PCDH7: variants seen among roughly 807,000 people sequenced by gnomAD.
PCDH7 encodes the protein protocadherin 7, also known as protocadherin-7.
Under a neutral mutation model 58.9 loss-of-function variants are expected in PCDH7, and 17 were observed. The ratio of observed to expected loss-of-function variants is 0.29; its 90% CI spans 0.20 to 0.43. The LOEUF (loss-of-function observed/expected upper bound fraction) is 0.43. Ranked by LOEUF, PCDH7 falls within the 20% of genes least tolerant of loss-of-function variation. The pLI, the probability that PCDH7 is intolerant of heterozygous loss-of-function variation, is 1.00. For synonymous variants in PCDH7, 664 were observed against 616.4 expected (o/e 1.08, Z -1.14); for missense variants, 1,274 against 1,441.0 (o/e 0.88, Z 1.88).
intron 3 of PCDH7, among the ~76,000 whole-genome samples, chr4:30,975,011 T>C (rs1749937620): frequency 6.6e-6 from 1 of 152,112 alleles, no homozygotes; most frequent in African/African-American, 2.4e-5. Flanking sequence ...GTATTGTAGT[T>C]CTCTGGCTTG....
intron 1 of PCDH7, among the ~76,000 whole-genome samples, chr4:30,741,075 T>A (rs1418485906): frequency 6.6e-6 from 1 of 152,126 alleles, no homozygotes; most frequent in Non-Finnish European, 1.5e-5. Flanking sequence ...CAAAATATGA[T>A]CTTTGTAATA....
At chr4:30,986,645 T>C (rs1560556216) in intron 3 of PCDH7, among the ~76,000 whole-genome samples, 1 of 152,048 alleles carries the variant, frequency 6.6e-6, no homozygotes, top group African/African-American at 2.4e-5. Flanking sequence ...ATTTTTCTTA[T>C]CTGAAATTTA....
At chr4:30,984,152 C>T (rs1560554040) in intron 3 of PCDH7, among the ~76,000 whole-genome samples, 2 of 152,014 alleles carry the variant, frequency 1.3e-5, no homozygotes, top group Non-Finnish European at 2.9e-5. Flanking sequence ...GAAAAAATTC[C>T]CTTGCTATTC....
At chr4:30,784,791 A>G (rs1357105933) in intron 1 of PCDH7, among the ~76,000 whole-genome samples, 1 of 152,016 alleles carries the variant, frequency 6.6e-6, no homozygotes, top group East Asian at 1.9e-4. Context: ...GAGATGGGGA[A>G]AAAAAGGGGC....
At chr4:30,866,291 T>G (rs1301720591) in intron 1 of PCDH7, among the ~76,000 whole-genome samples, 1 of 152,104 alleles carries the variant, frequency 6.6e-6, no homozygotes. Flanking sequence ...ACTAATTACC[T>G]AACATATCTA....
intron 3 of PCDH7, among the ~76,000 whole-genome samples, chr4:30,997,064 A>G (rs1454534135): frequency 6.7e-6 from 1 of 148,888 alleles, no homozygotes. Context: ...ACACAAGCTG[A>G]ATGTTTTCCT....
chr4:31,007,736 A>T (rs1198248041), intron 3 of PCDH7, among the ~76,000 whole-genome samples: 2 of 152,130 alleles, frequency 1.3e-5, no homozygotes, highest in Non-Finnish European at 1.5e-5. Flanking sequence ...CGTATGTGGT[A>T]AGAAAATTAG....
At chr4:30,981,597 A>T (rs912327314) in intron 3 of PCDH7, among the ~76,000 whole-genome samples, 6 of 152,210 alleles carry the variant, frequency 3.9e-5, no homozygotes, top group Non-Finnish European at 1.5e-5. Context: ...CTCATATTCT[A>T]TCAGCGAATA....
chr4:30,815,965 G>C (rs1245142026), intron 1 of PCDH7, among the ~76,000 whole-genome samples: 1 of 152,172 alleles, frequency 6.6e-6, no homozygotes, highest in Non-Finnish European at 1.5e-5. Context: ...ACTGCTAGAA[G>C]TTTGAGAAAA....
At chr4:30,913,970 A>G (rs1299444138) in intron 1 of PCDH7, among the ~76,000 whole-genome samples, 4 of 152,166 alleles carry the variant, frequency 2.6e-5, no homozygotes, top group African/African-American at 9.6e-5. Context: ...AGAAATGATC[A>G]CTGTAATCGC....
chr4:30,945,534 T>G (rs1746567584), intron 2 of PCDH7, among the ~76,000 whole-genome samples: 2 of 152,056 alleles, frequency 1.3e-5, no homozygotes, highest in African/African-American at 2.4e-5. Context: ...TTTAACTCAT[T>G]TATAATTCTT....
At chr4:30,901,188 T>C (rs1243115050) in intron 1 of PCDH7, among the ~76,000 whole-genome samples, 8 of 152,164 alleles carry the variant, frequency 5.3e-5, no homozygotes, top group African/African-American at 1.9e-4. Flanking sequence ...TTTTCTATAA[T>C]CATTTTCAAA....
intron 3 of PCDH7, among the ~76,000 whole-genome samples, chr4:30,973,899 G>A (rs1213020283): frequency 6.6e-6 from 1 of 151,956 alleles, no homozygotes; most frequent in East Asian, 1.9e-4. Flanking sequence ...GGTGCTGCTT[G>A]AATTTATGTG....
At chr4:30,780,564 A>C (rs1722649936) in intron 1 of PCDH7, among the ~76,000 whole-genome samples, 1 of 152,156 alleles carries the variant, frequency 6.6e-6, no homozygotes, top group Admixed American at 6.5e-5. Context: ...TAAAAACAAT[A>C]AAATAAAAGT....
chr4:31,107,316 A>C (rs1430831204), intron 3 of PCDH7, among the ~76,000 whole-genome samples: 1 of 152,190 alleles, frequency 6.6e-6, no homozygotes, highest in Non-Finnish European at 1.5e-5. Flanking sequence ...TCTATCTCAC[A>C]ATAAAGCAAA....
chr4:31,012,069 T>C (rs1044061367), intron 3 of PCDH7, among the ~76,000 whole-genome samples: 1 of 152,212 alleles, frequency 6.6e-6, no homozygotes, highest in Admixed American at 6.5e-5. Flanking sequence ...AGAAACAGTA[T>C]AGTTTGAAAA....
At chr4:30,942,035 C>CCTTA (rs1746100910) in intron 2 of PCDH7, among the ~76,000 whole-genome samples, 1 of 151,818 alleles carries the variant, frequency 6.6e-6, no homozygotes, top group South Asian at 2.1e-4. Context: ...TAATATCCTA[C>CCTTA]CTTACTAGAC....
intron 3 of PCDH7, among the ~76,000 whole-genome samples, chr4:31,101,819 T>C (rs1194348129): frequency 2.0e-5 from 3 of 152,236 alleles, no homozygotes; most frequent in Non-Finnish European, 4.4e-5. Context: ...TTTACAGATA[T>C]ATGAGATGTT....
intron 3 of PCDH7, among the ~76,000 whole-genome samples, chr4:31,138,985 A>G (rs1467363205): frequency 6.6e-6 from 1 of 151,592 alleles, no homozygotes; most frequent in Non-Finnish European, 1.5e-5. Context: ...CAAAAAAAAA[A>G]AAAAGAAAAG....
Sources: allele counts gnomAD v4.1 joint callset (sites outside exome capture counted in the v4.1 genomes callset), GRCh38; gene constraint gnomAD v4.1.1; transcripts MANE v1.5; gene names NCBI Gene and HGNC (gene_info 2026-07-23, HGNC 2026-07-21).